Variants in KCNN2 observed in about 807,000 individuals in gnomAD.
The protein encoded by KCNN2 is potassium calcium-activated channel subfamily N member 2.
In KCNN2, 24 loss-of-function variants were observed where a neutral mutation model predicts 55.5. The observed-to-expected ratio is 0.43, with a 90% CI of 0.31 to 0.61. KCNN2 has a LOEUF of 0.61. KCNN2 is among the 20% of genes least tolerant of loss of function. The pLI, the probability that KCNN2 is intolerant of heterozygous loss-of-function variation, is 0.08. For missense variants in KCNN2, 754 were observed against 853.6 expected (o/e 0.88, Z 1.45); for synonymous variants, 431 against 336.1 (o/e 1.28, Z -3.09).
chr5:114,141,659 G>T (rs1216483051), intron 1 of KCNN2, among the ~76,000 whole-genome samples: 1 of 152,282 alleles, frequency 6.6e-6, no homozygotes, highest in East Asian at 1.9e-4. Flanking sequence ...TAATGGGATG[G>T]CTGGGTCAAA....
intron 2 of KCNN2, among the ~76,000 whole-genome samples, chr5:114,289,324 T>A (rs1308438089): frequency 6.6e-6 from 1 of 152,134 alleles, no homozygotes; most frequent in African/African-American, 2.4e-5. Context: ...TTTGACCAGT[T>A]TCAAGATTGT....
At chr5:114,134,458 G>GATTGATTGATTGATTTATTTATTTATTT (rs1452509272) in intron 1 of KCNN2, among the ~76,000 whole-genome samples, 1 of 137,364 alleles carries the variant, frequency 7.3e-6, no homozygotes, top group African/African-American at 2.8e-5. Context: ...ATCCAACCAT[G>GATTGATTGATTGATTTATTTATTTATTT]ATTTATTTAT....
chr5:114,200,883 A>G (rs1301689973), intron 1 of KCNN2, among the ~76,000 whole-genome samples: 1 of 152,108 alleles, frequency 6.6e-6, no homozygotes, highest in Non-Finnish European at 1.5e-5. Context: ...CAAGTGAGCC[A>G]GTCTTTGGGC....
intron 1 of KCNN2, among the ~76,000 whole-genome samples, chr5:114,136,701 A>G (rs1752181166): frequency 6.6e-6 from 1 of 152,232 alleles, no homozygotes; most frequent in Non-Finnish European, 1.5e-5. Flanking sequence ...ACTATATTTC[A>G]ATCACAAGAC....
chr5:114,264,317 C>T (rs546471692), intron 2 of KCNN2, among the ~76,000 whole-genome samples: 2 of 152,206 alleles, frequency 1.3e-5, no homozygotes, highest in Admixed American at 1.3e-4. Flanking sequence ...CTTTCATGTT[C>T]CATAATTCCA....
At chr5:114,098,095 C>T (rs1268449689) in intron 1 of KCNN2, among the ~76,000 whole-genome samples, 4 of 152,168 alleles carry the variant, frequency 2.6e-5, no homozygotes, top group African/African-American at 4.8e-5. Context: ...GTGCTCCTTC[C>T]GTAGCTCATC....
intron 2 of KCNN2, among the ~76,000 whole-genome samples, chr5:114,303,873 A>T (rs533099513): frequency 6.0e-4 from 92 of 152,322 alleles, no homozygotes; most frequent in Non-Finnish European, 1.0e-3. Context: ...AGAAGGAAGG[A>T]TGATATATTT....
chr5:114,300,287 A>G (rs1756126551), intron 2 of KCNN2, among the ~76,000 whole-genome samples: 3 of 152,192 alleles, frequency 2.0e-5, no homozygotes, highest in Non-Finnish European at 2.9e-5. Context: ...TGGAGTTAAA[A>G]GCATGGAAAT....
intron 1 of KCNN2, among the ~76,000 whole-genome samples, chr5:114,191,864 A>G (rs573836599): frequency 7.2e-5 from 11 of 152,296 alleles, no homozygotes; most frequent in African/African-American, 2.4e-4. Context: ...GCCATTCACC[A>G]TGACCCAGAA....
chr5:114,147,549 A>G (rs1423135756), intron 1 of KCNN2, among the ~76,000 whole-genome samples: 1 of 152,286 alleles, frequency 6.6e-6, no homozygotes, highest in African/African-American at 2.4e-5. Context: ...GGAAAAACTA[A>G]ATTTGTAAAG....
At chr5:114,300,667 A>G (rs1756136014) in intron 2 of KCNN2, among the ~76,000 whole-genome samples, 2 of 152,232 alleles carry the variant, frequency 1.3e-5, no homozygotes, top group African/African-American at 4.8e-5. Flanking sequence ...AATGGATTAT[A>G]TTGTAGAATA....
intron 7 of KCNN2, among the ~76,000 whole-genome samples, chr5:114,494,838 C>T (rs974043710): frequency 2.6e-5 from 4 of 151,996 alleles, no homozygotes; most frequent in Non-Finnish European, 5.9e-5. Context: ...AAACAAGGTG[C>T]CTATATTCTG....
intron 1 of KCNN2, among the ~76,000 whole-genome samples, chr5:114,160,397 A>C (rs1752744506): frequency 6.6e-6 from 1 of 152,002 alleles, no homozygotes; most frequent in Non-Finnish European, 1.5e-5. Flanking sequence ...ATTCTTTTAC[A>C]TTTGCTGAGG....
At chr5:114,260,026 C>T (rs556640216) in intron 2 of KCNN2, among the ~76,000 whole-genome samples, 1 of 152,300 alleles carries the variant, frequency 6.6e-6, no homozygotes, top group African/African-American at 2.4e-5. Context: ...TCCCTCCCAG[C>T]CCTCGTCTGA....
intron 2 of KCNN2, among the ~76,000 whole-genome samples, chr5:114,275,352 A>G (rs1416634620): frequency 6.6e-6 from 1 of 152,168 alleles, no homozygotes; most frequent in Non-Finnish European, 1.5e-5. Flanking sequence ...GCCTCATGAA[A>G]TGAATTAGGG....
chr5:114,411,214 C>T (rs889990707), intron 3 of KCNN2, among the ~76,000 whole-genome samples: 9 of 152,086 alleles, frequency 5.9e-5, no homozygotes, highest in African/African-American at 2.2e-4. Context: ...TTTTGTCACC[C>T]TGTCACTAAT....
chr5:114,388,061 G>A (rs1010418378), intron 2 of KCNN2, among the ~76,000 whole-genome samples: 25 of 152,146 alleles, frequency 1.6e-4, no homozygotes, highest in Middle Eastern at 3.4e-3. Context: ...TATAGTATTT[G>A]CATTCTTTCA....
At chr5:114,147,827 C>T (rs1388446878) in intron 1 of KCNN2, among the ~76,000 whole-genome samples, 1 of 152,128 alleles carries the variant, frequency 6.6e-6, no homozygotes, top group Admixed American at 6.6e-5. Flanking sequence ...ATGGCGCGAG[C>T]TTCTAGGTGC....
At chr5:114,248,312 C>G (rs1424315865) in intron 2 of KCNN2, among the ~76,000 whole-genome samples, 1 of 151,964 alleles carries the variant, frequency 6.6e-6, no homozygotes, top group East Asian at 1.9e-4. Context: ...TATAGTACAT[C>G]TTTTAATTTG....
Sources: allele counts gnomAD v4.1 joint callset (sites outside exome capture counted in the v4.1 genomes callset), GRCh38; gene constraint gnomAD v4.1.1; transcripts MANE v1.5; gene names NCBI Gene and HGNC (gene_info 2026-07-23, HGNC 2026-07-21).